Variants in RCAN2 observed in about 807,000 individuals in gnomAD.
The protein encoded by RCAN2 is regulator of calcineurin 2.
In RCAN2, 9 loss-of-function variants were observed where a neutral mutation model predicts 23.6. The observed-to-expected ratio is 0.38, with a 90% CI of 0.23 to 0.67. RCAN2 has a LOEUF of 0.67. Ranked by LOEUF, RCAN2 falls within the 30% of genes least tolerant of loss-of-function variation. The pLI, the probability that RCAN2 is intolerant of heterozygous loss-of-function variation, is 0.51. For synonymous variants in RCAN2, 109 were observed against 115.7 expected (o/e 0.94, Z 0.37); for missense variants, 273 against 302.3 (o/e 0.90, Z 0.72).
rs1040895373 is a variant in RCAN2 at position 46,294,350 on chromosome 6, A to G, written c.226-45454T>C. On this transcript the variant is annotated intron_variant, in intron 2 of 4. Transcript: ENST00000371374. Reference sequence around the variant, plus strand: ...TAGTTAGTGTGAGACATCCAATCTCATGCATTACAAAGGGAATAATTTGTT... The same window carrying G: ...TAGTTAGTGTGAGACATCCAATCTCGTGCATTACAAAGGGAATAATTTGTT... Among the ~76,000 whole-genome samples, 7 of 152,160 alleles carry G rather than the reference A, an allele frequency of 4.6e-5. No homozygotes were observed. In the South Asian group the frequency reaches 1.4e-3, roughly 31 times the overall value.
intron 2 of RCAN2, among the ~76,000 whole-genome samples, chr6:46,341,147 A>G (rs1764307177): frequency 6.6e-6 from 1 of 152,224 alleles, no homozygotes; most frequent in Non-Finnish European, 1.5e-5. Context: ...ATAATTGGAA[A>G]TACATTATGA....
At chr6:46,253,975 C>A (rs573651437) in intron 2 of RCAN2, among the ~76,000 whole-genome samples, 1 of 152,250 alleles carries the variant, frequency 6.6e-6, no homozygotes, top group South Asian at 2.1e-4. Context: ...TGTAAATACA[C>A]TCTATCATGT....
chr6:46,350,101 C>G (rs1201132888), intron 2 of RCAN2, among the ~76,000 whole-genome samples: 1 of 152,140 alleles, frequency 6.6e-6, no homozygotes, highest in African/African-American at 2.4e-5. Flanking sequence ...AATTGGTTTT[C>G]TCTCTTCAAA....
In RCAN2 at chr6:46,434,591, G is replaced by A. The variant is rs114516298; in HGVS notation, c.225+22161C>T. ...AGAAAAGAACTCAGAATGAGATGTA[G>A]AGAATGGGATTATAACTTTCTTTTC... On this transcript the variant is annotated intron_variant, in intron 2 of 4. Transcript: ENST00000371374. Among the ~76,000 whole-genome samples the A allele has an allele frequency of 6.2e-3, 938 of 152,328 alleles. 9 individuals are homozygous for A. Among genetic ancestry groups the A allele is most frequent in the African/African-American group, 0.022 (900 of 41,564 alleles).
intron 2 of RCAN2, among the ~76,000 whole-genome samples, chr6:46,428,837 T>C (rs190927314): frequency 4.0e-4 from 61 of 152,374 alleles, no homozygotes; most frequent in Admixed American, 3.9e-3. Flanking sequence ...ATCTGCTTTC[T>C]TCTCAAAATG....
intron 2 of RCAN2, among the ~76,000 whole-genome samples, chr6:46,393,922 G>C (rs773732095): frequency 6.6e-6 from 1 of 152,108 alleles, no homozygotes; most frequent in Non-Finnish European, 1.5e-5. Context: ...AAGAACCTTT[G>C]ACATTAATAT....
At chr6:46,258,988 G>A (rs757663621) in intron 2 of RCAN2, among the ~76,000 whole-genome samples, 2 of 152,126 alleles carry the variant, frequency 1.3e-5, no homozygotes, top group Non-Finnish European at 2.9e-5. Context: ...ACACCTTGGG[G>A]AGCCTTCTTT....
chr6:46,417,704 C>T (rs1766752772), intron 2 of RCAN2, among the ~76,000 whole-genome samples: 2 of 152,158 alleles, frequency 1.3e-5, no homozygotes. Flanking sequence ...CATAATCCAA[C>T]ATATTCAATT....
At chr6:46,355,512 G>A (rs995113972) in intron 2 of RCAN2, among the ~76,000 whole-genome samples, 14 of 152,136 alleles carry the variant, frequency 9.2e-5, no homozygotes, top group Non-Finnish European at 1.3e-4. Context: ...GTCTATGTCC[G>A]TTCTCCCTCT....
intron 2 of RCAN2, among the ~76,000 whole-genome samples, chr6:46,287,106 T>A (rs1220721230): frequency 6.6e-6 from 1 of 152,118 alleles, no homozygotes; most frequent in Non-Finnish European, 1.5e-5. Context: ...CCTGCTATCA[T>A]GCCATGGTGG....
chr6:46,267,842 C>T (rs548936247), intron 2 of RCAN2, among the ~76,000 whole-genome samples: 33 of 152,020 alleles, frequency 2.2e-4, no homozygotes, highest in Admixed American at 1.9e-3. Context: ...TGTCATCTGT[C>T]TTAAGAAAAT....
chr6:46,282,391 A>AAC (rs1300776377), intron 2 of RCAN2, among the ~76,000 whole-genome samples: 1 of 151,966 alleles, frequency 6.6e-6, no homozygotes, highest in Non-Finnish European at 1.5e-5. Flanking sequence ...TAAAAAAAAA[A>AAC]AACAAAAAAT....
At chr6:46,451,931 T>A (rs527936966) in intron 2 of RCAN2, among the ~76,000 whole-genome samples, 1 of 152,328 alleles carries the variant, frequency 6.6e-6, no homozygotes, top group African/African-American at 2.4e-5. Context: ...GTGTGATGTG[T>A]GTATGTCTGT....
Position 46,399,102 on chromosome 6 carries a change from G to A in RCAN2, c.225+57650C>T, listed in dbSNP as rs578158902. On this transcript the variant is annotated intron_variant, in intron 2 of 4. Coordinates refer to ENST00000371374, the MANE Select transcript of RCAN2 (RefSeq NM_001251974.2). ...TGAGAAACATTCTTCTAGAACCATA[G>A]CTGTTCCCTGAGTATTAATAAAGTA... 2.0e-5 allele frequency among the ~76,000 whole-genome samples: 3 copies of A among 151,960 alleles called. No individual in the cohort carries two copies. In the East Asian group the frequency reaches 5.8e-4, roughly 30 times the overall value.
At chr6:46,276,546 T>A (rs1018984494) in intron 2 of RCAN2, among the ~76,000 whole-genome samples, 2 of 152,206 alleles carry the variant, frequency 1.3e-5, no homozygotes, top group African/African-American at 4.8e-5. Flanking sequence ...GTGTTTAAAC[T>A]CTAATCTAGT....
intron 2 of RCAN2, among the ~76,000 whole-genome samples, chr6:46,315,901 AGTTTGGAAGAGACAAGAAAAGAG>A (rs57586985): frequency 0.76 from 113,820 of 149,594 alleles, 43,982 homozygotes; most frequent in Non-Finnish European, 0.83. Context: ...GGTTTGGAAG[AGTTTGGAAGAGACAAGAAAAGAG>A]GTTTGGAAGA....
At chr6:46,367,038 TATATATATATATATA>T (rs1230563784) in intron 2 of RCAN2, among the ~76,000 whole-genome samples, 2 of 122,436 alleles carry the variant, frequency 1.6e-5, no homozygotes, top group South Asian at 2.7e-4. Flanking sequence ...TATATATATA[TATATATATATATATA>T]TCCTAGCTGA....
chr6:46,316,524 G>A (rs1392793101), intron 2 of RCAN2, among the ~76,000 whole-genome samples: 1 of 152,130 alleles, frequency 6.6e-6, no homozygotes, highest in Non-Finnish European at 1.5e-5. Flanking sequence ...GGTCATAACA[G>A]CATCATCCTT....
chr6:46,221,270 T>C lies in RCAN2; in HGVS notation c.*1871A>G, dbSNP rs1425263945. On this transcript the variant is annotated 3_prime_UTR_variant, in exon 5 of 5. Coordinates refer to ENST00000371374, the MANE Select transcript of RCAN2 (RefSeq NM_001251974.2). ...TGGAAATTCAGGGTAGCTTAAAAAA[T>C]CAAGTCAAATGACCCACAGATGATT... 2.0e-5 allele frequency: 3 copies of C among 152,588 alleles called. No homozygotes were observed. The highest frequency in any genetic ancestry group is 4.4e-5 in the Non-Finnish European group (3 of 68,030). The allele number at this position is 152,588 out of a possible 1,614,324, so 9.5% of individuals were successfully genotyped here.
Sources: allele counts gnomAD v4.1 joint callset (sites outside exome capture counted in the v4.1 genomes callset), GRCh38; gene constraint gnomAD v4.1.1; transcripts MANE v1.5; gene names NCBI Gene and HGNC (gene_info 2026-07-23, HGNC 2026-07-21).